The following INTU variants were observed in gnomAD, a reference collection of about 807,000 sequenced individuals.
INTU encodes the protein inturned planar cell polarity protein.
INTU carries 68 observed loss-of-function variants against 100.5 expected under a neutral mutation model. The ratio of observed to expected loss-of-function variants is 0.68; its 90% CI spans 0.56 to 0.83. INTU has a LOEUF of 0.83. Among genes scored for constraint, INTU ranks in the 40% least tolerant of loss-of-function variants. The probability of loss-of-function intolerance (pLI) is 0.00; values close to 1 mark genes in which losing one functional copy is unlikely to be tolerated. For synonymous variants in INTU, 357 were observed against 395.7 expected, an observed-to-expected ratio of 0.90 and a Z score of 1.16; for missense variants, 1,071 against 1,114.7, an observed-to-expected ratio of 0.96 and a Z score of 0.56.
intron 4 of INTU, among the ~76,000 whole-genome samples, chr4:127,668,427 CAGTGTT>C (rs1033692808): frequency 3.3e-5 from 5 of 151,792 alleles, no homozygotes; most frequent in Non-Finnish European, 7.4e-5. Flanking sequence ...GTGGTATACA[CAGTGTT>C]TCTAATTTGA....
At position 127,720,393 on chromosome 4, in the gene INTU, C is replaced by T. The variant is rs1395405987; in HGVS notation, c.*3957C>T. The T allele has an allele frequency of 6.6e-6, 1 of 152,154 alleles. No individual in the cohort carries two copies. Among genetic ancestry groups the T allele is most frequent in the Admixed American group, 6.5e-5 (1 of 15,278 alleles). The allele number at this position is 152,154 out of a possible 1,614,324, so 9.4% of individuals were successfully genotyped here. A position where few individuals can be genotyped will look rare whatever the true frequency, so the allele number is the denominator to read the frequency against. The stretch of plus-strand genomic sequence containing the variant: ...TTAGCATTTGCTGAGGAGTGCTTTA[C>T]TTCTAATTGTGTGATCAATTTTAGA... On this transcript the variant is annotated 3_prime_UTR_variant, in exon 16 of 16. Coordinates refer to ENST00000335251, the MANE Select transcript of INTU (RefSeq NM_015693.4).
chr4:127,648,048 T>G (rs1221218924), intron 2 of INTU, among the ~76,000 whole-genome samples: 1 of 152,224 alleles, frequency 6.6e-6, no homozygotes, highest in Non-Finnish European at 1.5e-5. Context: ...GATCTCTTTT[T>G]AAAATATTTT....
Position 127,669,075 on chromosome 4 carries a change from C to G in INTU, c.1012C>G (p.Gln338Glu). ...LYHYPMSEAS[Q>E]KLKSVRGIFL... is the part of the protein sequence containing the mutation. The stretch of plus-strand genomic sequence containing the variant: ...TCATTATCCAATGTCTGAAGCATCT[C>G]AGAAACTTAAAAGTGTGAGAGGGAT... Residue 338 changes from glutamine (Q) to glutamate (E), a missense_variant, in exon 5 of 16, where the codon CAG becomes GAG. Transcript: ENST00000335251. The G allele has an allele frequency of 6.5e-7, 1 of 1,544,076 alleles. No individual in the cohort carries two copies. Among genetic ancestry groups the G allele is most frequent in the Non-Finnish European group, 8.8e-7 (1 of 1,136,460 alleles).
intron 1 of INTU, among the ~76,000 whole-genome samples, chr4:127,635,220 T>C (rs1180334014): frequency 6.6e-6 from 1 of 152,210 alleles, no homozygotes; most frequent in African/African-American, 2.4e-5. Context: ...GGTAGAGTTC[T>C]TTTAATAGGT....
intron 2 of INTU, among the ~76,000 whole-genome samples, chr4:127,651,827 G>A (rs1727896133): frequency 2.0e-5 from 3 of 151,476 alleles, no homozygotes; most frequent in East Asian, 1.9e-4. Flanking sequence ...CCATTTTCAC[G>A]ATATTGATTC....
At chr4:127,658,694 A>C (rs908110357) in intron 3 of INTU, among the ~76,000 whole-genome samples, 18 of 152,306 alleles carry the variant, frequency 1.2e-4, no homozygotes, top group African/African-American at 3.8e-4. Context: ...CATTATACTT[A>C]TATTTAATTA....
intron 2 of INTU, among the ~76,000 whole-genome samples, chr4:127,653,253 A>C (rs7376343): frequency 0.26 from 21,083 of 80,424 alleles, 1,568 homozygotes; most frequent in Middle Eastern, 0.44. Flanking sequence ...TTATTTCTTG[A>C]CTTCTGCTAG....
At chr4:127,645,413 T>C (rs1385542970) in intron 2 of INTU, among the ~76,000 whole-genome samples, 2 of 152,128 alleles carry the variant, frequency 1.3e-5, no homozygotes, top group African/African-American at 4.8e-5. Flanking sequence ...GTGAGAAGCC[T>C]TTAAGATGAC....
chr4:127,678,928 C>CA (rs1174707822), intron 6 of INTU, among the ~76,000 whole-genome samples: 1 of 150,364 alleles, frequency 6.7e-6, no homozygotes, highest in Non-Finnish European at 1.5e-5. Context: ...AAATGGAAAA[C>CA]AAAAAAAAGG....
intron 1 of INTU, among the ~76,000 whole-genome samples, chr4:127,638,138 C>T (rs754699862): frequency 2.0e-5 from 3 of 152,072 alleles, no homozygotes; most frequent in Non-Finnish European, 4.4e-5. Flanking sequence ...GAAAAGAAAA[C>T]ACAGAAAAGC....
At chr4:127,671,311 A>G (rs778316617) in intron 5 of INTU, among the ~76,000 whole-genome samples, 49 of 152,268 alleles carry the variant, frequency 3.2e-4, no homozygotes, top group Non-Finnish European at 5.9e-4. Flanking sequence ...AAAGGACATG[A>G]ACAGACATTT....
At chr4:127,662,023 A>G (rs1728499603) in intron 3 of INTU, among the ~76,000 whole-genome samples, 1 of 151,846 alleles carries the variant, frequency 6.6e-6, no homozygotes, top group Non-Finnish European at 1.5e-5. Flanking sequence ...TTTAACTTGC[A>G]TTTCCCTGAT....
intron 3 of INTU, 30 bp downstream of exon 3, chr4:127,656,751 A>G (rs1466449180): frequency 3.0e-6 from 4 of 1,340,684 alleles, no homozygotes; most frequent in African/African-American, 2.9e-5. Flanking sequence ...ATATTTTATG[A>G]TGTTACATAA....
chr4:127,657,284 C>CA (rs1728275310), intron 3 of INTU, among the ~76,000 whole-genome samples: 1 of 152,038 alleles, frequency 6.6e-6, no homozygotes, highest in Admixed American at 6.5e-5. Flanking sequence ...TAAACATTGA[C>CA]ATTGTGTATC....
rs556201422 is a variant in INTU at position 127,640,216 on chromosome 4, T to C, written c.147-3305T>C. The stretch of plus-strand genomic sequence containing the variant: ...ATTGACAAGAGTCCTGTGAGGTAGC[T>C]ATAATCTATTTTCAAGAAGAGGAAA... On this transcript the variant is annotated intron_variant, in intron 1 of 15. Coordinates refer to ENST00000335251, the MANE Select transcript of INTU (RefSeq NM_015693.4). Among the ~76,000 whole-genome samples the C allele has an allele frequency of 2.7e-4, 41 of 152,200 alleles. 1 individual carries two copies. Among genetic ancestry groups the C allele is most frequent in the Admixed American group, 2.4e-3 (37 of 15,268 alleles).
chr4:127,669,685 T>C (rs148281782), intron 5 of INTU, among the ~76,000 whole-genome samples: 27 of 152,010 alleles, frequency 1.8e-4, no homozygotes, highest in African/African-American at 6.5e-4. Flanking sequence ...TTAGGAGGGC[T>C]ATTCATAATC....
At chr4:127,715,042 TTA>T (rs571826658) in intron 15 of INTU, among the ~76,000 whole-genome samples, 188 of 152,160 alleles carry the variant, frequency 1.2e-3, no homozygotes, top group African/African-American at 4.3e-3. Context: ...GAGAGAAATC[TTA>T]TATATATGTG....
intron 6 of INTU, among the ~76,000 whole-genome samples, chr4:127,682,855 A>G (rs1310643935): frequency 6.6e-6 from 1 of 152,216 alleles, no homozygotes; most frequent in Non-Finnish European, 1.5e-5. Context: ...GCAGCAGAGT[A>G]AAACATGTCT....
chr4:127,687,839 G>A lies in INTU; in HGVS notation c.1421G>A (p.Arg474Gln), dbSNP rs776583143. The A allele has an allele frequency of 1.2e-5, 19 of 1,589,130 alleles. No homozygotes were observed. The highest frequency in any genetic ancestry group is 4.0e-5 in the African/African-American group (3 of 74,468). Residue 474 changes from arginine (R) to glutamine (Q), a missense_variant, in exon 8 of 16, where the codon CGG becomes CAG. Transcript: ENST00000335251. ...AVLLDNLPGV[R>Q]WLTLPLEIKM... ...CTTTTAGACAACCTCCCTGGAGTCCGGTGGCTCACACTTCCACTGGAAATC... is the reference window on the plus strand; with the variant it reads ...CTTTTAGACAACCTCCCTGGAGTCCAGTGGCTCACACTTCCACTGGAAATC...
Sources: gnomAD v4.1 joint callset for allele counts (sites outside exome capture counted in the v4.1 genomes callset) on GRCh38, gnomAD v4.1.1 for gene constraint, MANE v1.5 for transcripts, NCBI Gene and HGNC (gene_info 2026-07-23, HGNC 2026-07-21) for gene names.